Variants in ZSCAN25 observed in about 807,000 individuals in gnomAD.
ZSCAN25 encodes the protein zinc finger and SCAN domain-containing protein 25.
ZSCAN25 carries 27 observed loss-of-function variants against 38.7 expected under a neutral mutation model. That is an observed-to-expected ratio of 0.70 (90% confidence interval 0.51 to 0.96). The LOEUF (loss-of-function observed/expected upper bound fraction) is 0.96, where lower values mean the gene tolerates loss of function less well. Among genes scored for constraint, ZSCAN25 ranks in the 40% least tolerant of loss-of-function variants. The pLI is 0.00. For synonymous variants in ZSCAN25, 273 were observed against 277.7 expected, an observed-to-expected ratio of 0.98 and a Z score of 0.17; for missense variants, 637 against 705.9, an observed-to-expected ratio of 0.90 and a Z score of 1.11.
chr7:99,648,117 A>G, the ZSCAN25 span: 1 of 1,248,038 alleles, frequency 8.0e-7, no homozygotes, highest in Non-Finnish European at 1.0e-6. Flanking sequence ...CCTCCTTTAT[A>G]CTACATAATG....
chr7:99,629,683 G>A lies in ZSCAN25; in HGVS notation c.1298G>A (p.Cys433Tyr). Residue 433 changes from cysteine (C) to tyrosine (Y), a missense_variant, in exon 8 of 8, where the codon TGC (cysteine) becomes TAC (tyrosine). Cys to Tyr is a radical substitution (Grantham distance 194). Transcript: ENST00000394152. This position sits in a 1 kb window ranked among gnomAD's most constrained non-coding sequence, Gnocchi z 5.6. ...RSHTGEKPYK[C>Y]GDCWKSFSRR... is the part of the protein sequence containing the mutation. ...CACACTGGGGAGAAGCCCTACAAGTGCGGGGACTGCTGGAAGAGCTTCAGC... is the reference window on the plus strand; with the variant it reads ...CACACTGGGGAGAAGCCCTACAAGTACGGGGACTGCTGGAAGAGCTTCAGC... 1 of 1,614,132 alleles carries A rather than the reference G, an allele frequency of 6.2e-7. No individual in the cohort carries two copies. Among genetic ancestry groups the A allele is most frequent in the South Asian group, 1.1e-5 (1 of 91,092 alleles).
At chr7:99,671,784 A>G in the ZSCAN25 span, 1 of 702,476 alleles carries the variant, frequency 1.4e-6, no homozygotes, top group Non-Finnish European at 2.6e-6. Context: ...TCAGAGAAAA[A>G]GACAAACTCC....
chr7:99,662,939 A>C, the ZSCAN25 span: 1 of 1,607,652 alleles, frequency 6.2e-7, no homozygotes, highest in Non-Finnish European at 8.5e-7. The surrounding 1 kb of genome is among the most constrained non-coding windows in gnomAD (Gnocchi z 4.3). Flanking sequence ...GTCAGAAGTA[A>C]ATCAAAAGTG....
At chr7:99,674,648 T>C in the ZSCAN25 span, 4 of 1,430,896 alleles carry the variant, frequency 2.8e-6, no homozygotes, top group East Asian at 2.4e-5. Flanking sequence ...CTACCTCTAA[T>C]TGGGGCTGAA....
the ZSCAN25 span, among the ~76,000 whole-genome samples, chr7:99,737,032 AAGGACAG>A: frequency 6.6e-6 from 1 of 152,170 alleles, no homozygotes; most frequent in Admixed American, 6.5e-5. Flanking sequence ...CAAAGCAACA[AAGGACAG>A]ACACGGGTAG....
the ZSCAN25 span, among the ~76,000 whole-genome samples, chr7:99,710,320 G>A: frequency 6.6e-6 from 1 of 152,198 alleles, no homozygotes; most frequent in African/African-American, 2.4e-5. Flanking sequence ...TGAGACACAT[G>A]TGGGGCAGAG....
chr7:99,690,997 T>C, the ZSCAN25 span, among the ~76,000 whole-genome samples: 11 of 152,228 alleles, frequency 7.2e-5, no homozygotes, highest in Non-Finnish European at 1.5e-4. Flanking sequence ...TGCACACTTA[T>C]GTTTATTGTG....
chr7:99,674,806 C>G, the ZSCAN25 span, among the ~76,000 whole-genome samples: 1 of 152,192 alleles, frequency 6.6e-6, no homozygotes, highest in Non-Finnish European at 1.5e-5. Flanking sequence ...TCTCTAAGTA[C>G]TGAAGGACTC....
At chr7:99,716,953 G>A in the ZSCAN25 span, among the ~76,000 whole-genome samples, 1 of 152,170 alleles carries the variant, frequency 6.6e-6, no homozygotes, top group Non-Finnish European at 1.5e-5. Context: ...TAACAGATAT[G>A]TAAACCCTGA....
the ZSCAN25 span, chr7:99,714,412 A>G: frequency 2.5e-5 from 34 of 1,351,432 alleles, no homozygotes; most frequent in Middle Eastern, 2.7e-4. Flanking sequence ...TTCCTACCAA[A>G]TGAATTATCT....
chr7:99,656,355 T>C, the ZSCAN25 span, among the ~76,000 whole-genome samples: 1 of 152,256 alleles, frequency 6.6e-6, no homozygotes, highest in Admixed American at 6.5e-5. Flanking sequence ...GGTTTTGTCG[T>C]TGGTTCTGTT....
At chr7:99,646,317 G>A in the ZSCAN25 span, among the ~76,000 whole-genome samples, 3 of 152,158 alleles carry the variant, frequency 2.0e-5, no homozygotes, top group Admixed American at 1.3e-4. Flanking sequence ...TTTCATTGTA[G>A]AGATCTTTCA....
At chr7:99,707,918 C>G in the ZSCAN25 span, 1 of 1,614,038 alleles carries the variant, frequency 6.2e-7, no homozygotes, top group Non-Finnish European at 8.5e-7. Flanking sequence ...TCTGGGTCCA[C>G]TTCCAAAGGG....
At chr7:99,621,151 T>C (rs1457006118) in intron 4 of ZSCAN25, 1 of 373,312 alleles carries the variant, frequency 2.7e-6, no homozygotes, top group Non-Finnish European at 4.7e-6. Context: ...CCTTGTCAAA[T>C]GGCGTGGACA....
At chr7:99,698,697 G>A in the ZSCAN25 span, among the ~76,000 whole-genome samples, 1 of 152,026 alleles carries the variant, frequency 6.6e-6, no homozygotes, top group Non-Finnish European at 1.5e-5. Flanking sequence ...TTATTCTGGA[G>A]AGGTGATGTT....
the ZSCAN25 span, among the ~76,000 whole-genome samples, chr7:99,736,825 TCAAG>T: frequency 1.3e-5 from 2 of 152,126 alleles, no homozygotes; most frequent in Non-Finnish European, 2.9e-5. Flanking sequence ...CTTGTCAGAT[TCAAG>T]GCCAAGTGGG....
At chr7:99,671,685 A>C in the ZSCAN25 span, 1 of 617,670 alleles carries the variant, frequency 1.6e-6, no homozygotes. Context: ...GGATTTTCAG[A>C]CTTAACACCA....
chr7:99,660,078 C>T, the ZSCAN25 span: 43 of 447,990 alleles, frequency 9.6e-5, no homozygotes, highest in African/African-American at 8.4e-4. Flanking sequence ...TGTCCTGCAC[C>T]CACTCTCCAA....
the ZSCAN25 span, chr7:99,676,188 C>T: frequency 6.2e-7 from 1 of 1,612,014 alleles, no homozygotes; most frequent in African/African-American, 1.3e-5. Flanking sequence ...CTTAAAAAGT[C>T]CATGTGTACG....
Sources: gnomAD v4.1 joint callset for allele counts (sites outside exome capture counted in the v4.1 genomes callset) on GRCh38, gnomAD v4.1.1 for gene constraint, Gnocchi (gnomAD v3.1) non-coding constraint, MANE v1.5 for transcripts, NCBI Gene and HGNC (gene_info 2026-07-23, HGNC 2026-07-21) for gene names.